Variants in RIMS2 observed in about 807,000 individuals in gnomAD.
RIMS2 encodes regulating synaptic membrane exocytosis 2.
A neutral mutation model predicts 174.4 loss-of-function variants in RIMS2; 59 were observed. The ratio of observed to expected loss-of-function variants is 0.34; its 90% confidence interval spans 0.27 to 0.42. The LOEUF (loss-of-function observed/expected upper bound fraction) is 0.42, where lower values mean the gene tolerates loss of function less well. RIMS2 is among the 10% of genes least tolerant of loss of function. The pLI is 1.00. For missense variants in RIMS2, 1,620 were observed against 1,666.3 expected, an observed-to-expected ratio of 0.97 and a Z score of 0.48; for synonymous variants, 606 against 572.5, an observed-to-expected ratio of 1.06 and a Z score of -0.84.
chr8:103,685,255 G>A (rs79318345), intron 1 of RIMS2, among the ~76,000 whole-genome samples: 4,551 of 152,122 alleles, frequency 0.03, 74 homozygotes, highest in African/African-American at 0.046. Flanking sequence ...ATTGGCTTCT[G>A]GTGGGGCCTC....
intron 3 of RIMS2, among the ~76,000 whole-genome samples, chr8:103,798,877 G>A (rs2098579503): frequency 1.3e-5 from 2 of 151,900 alleles, no homozygotes; most frequent in South Asian, 4.2e-4. Flanking sequence ...TGTCTATGTG[G>A]GCCCAATCTA....
chr8:103,778,982 A>T (rs545590447), intron 3 of RIMS2, among the ~76,000 whole-genome samples: 1 of 152,196 alleles, frequency 6.6e-6, no homozygotes, highest in Non-Finnish European at 1.5e-5. Flanking sequence ...TTTGATTTGC[A>T]TTTCTCTGAT....
At chr8:103,891,989 T>C (rs1390682969) in intron 4 of RIMS2, among the ~76,000 whole-genome samples, 1 of 152,060 alleles carries the variant, frequency 6.6e-6, no homozygotes, top group Non-Finnish European at 1.5e-5. Context: ...TTACATAATC[T>C]CATAATTTTT....
chr8:104,083,859 A>G (rs2154563607), intron 19 of RIMS2, among the ~76,000 whole-genome samples: 1 of 152,272 alleles, frequency 6.6e-6, no homozygotes, highest in East Asian at 1.9e-4. Context: ...CTATTACTGA[A>G]TAATAAAGGG....
chr8:103,738,929 T>G (rs2097722957), intron 2 of RIMS2, among the ~76,000 whole-genome samples: 1 of 152,110 alleles, frequency 6.6e-6, no homozygotes, highest in Admixed American at 6.5e-5. Flanking sequence ...ACACTGTTGG[T>G]GGGACTGTAA....
chr8:103,624,209 G>C (rs921681896), intron 1 of RIMS2, among the ~76,000 whole-genome samples: 2 of 152,196 alleles, frequency 1.3e-5, no homozygotes, highest in Non-Finnish European at 2.9e-5. Context: ...GCATTTGAAA[G>C]GCTGAACTCA....
chr8:103,663,700 A>T (rs2096632178), intron 1 of RIMS2, among the ~76,000 whole-genome samples: 2 of 152,222 alleles, frequency 1.3e-5, no homozygotes, highest in African/African-American at 4.8e-5. Context: ...GAAAATGGCC[A>T]TACTGCCCAA....
chr8:103,670,345 C>CT (rs1236447620), intron 1 of RIMS2, among the ~76,000 whole-genome samples: 1 of 152,224 alleles, frequency 6.6e-6, no homozygotes, highest in Non-Finnish European at 1.5e-5. Context: ...GCAAAAGTCT[C>CT]TGACATGCTC....
intron 3 of RIMS2, among the ~76,000 whole-genome samples, chr8:103,786,718 G>A (rs1203354377): frequency 1.3e-5 from 2 of 152,166 alleles, no homozygotes; most frequent in Non-Finnish European, 2.9e-5. Context: ...GAATAGCTGT[G>A]GTGTGGTTCT....
intron 19 of RIMS2, among the ~76,000 whole-genome samples, chr8:104,196,714 T>C (rs2099026285): frequency 6.6e-6 from 1 of 152,152 alleles, no homozygotes; most frequent in Admixed American, 6.5e-5. Flanking sequence ...AGCTTAAACT[T>C]ACATTTCACA....
chr8:103,573,346 G>A (rs1434099905), intron 1 of RIMS2, among the ~76,000 whole-genome samples: 1 of 152,110 alleles, frequency 6.6e-6, no homozygotes, highest in Non-Finnish European at 1.5e-5. Context: ...TTACAGGCAT[G>A]AGCTACCACA....
At chr8:103,756,674 C>T (rs1207326918) in intron 2 of RIMS2, among the ~76,000 whole-genome samples, 1 of 152,114 alleles carries the variant, frequency 6.6e-6, no homozygotes, top group Non-Finnish European at 1.5e-5. Flanking sequence ...AGTCTGCCCA[C>T]TCAGCCTTCC....
At chr8:103,714,549 C>A (rs1198194501) in intron 2 of RIMS2, among the ~76,000 whole-genome samples, 1 of 152,006 alleles carries the variant, frequency 6.6e-6, no homozygotes, top group African/African-American at 2.4e-5. Flanking sequence ...AGATGGAATA[C>A]CTCTATCTAA....
At chr8:103,575,125 A>G (rs1387998745) in intron 1 of RIMS2, among the ~76,000 whole-genome samples, 8 of 152,214 alleles carry the variant, frequency 5.3e-5, no homozygotes. Context: ...ATTAAAAAAT[A>G]GGAAAGACAC....
chr8:103,794,549 A>G (rs956996806), intron 3 of RIMS2, among the ~76,000 whole-genome samples: 2 of 152,218 alleles, frequency 1.3e-5, no homozygotes, highest in Admixed American at 6.5e-5. Flanking sequence ...TAAAACACCA[A>G]TGGCAATGGC....
intron 17 of RIMS2, among the ~76,000 whole-genome samples, chr8:103,991,377 GTAAT>G (rs1391544746): frequency 6.6e-6 from 1 of 151,180 alleles, no homozygotes; most frequent in African/African-American, 2.4e-5. Flanking sequence ...ATTTATCTGT[GTAAT>G]TATTTATTAA....
chr8:103,576,984 C>A (rs1168382337), intron 1 of RIMS2, among the ~76,000 whole-genome samples: 3 of 152,028 alleles, frequency 2.0e-5, no homozygotes, highest in African/African-American at 7.2e-5. Context: ...AGAAGAAAAC[C>A]TAGACAATAA....
rs202245389 is a variant in RIMS2 at position 104,093,573 on chromosome 8, G to C, written c.3334+78958G>C. 1,419 of 1,597,388 alleles carry C rather than the reference G, an allele frequency of 8.9e-4. 13 individuals carry two copies. Among genetic ancestry groups the C allele is most frequent in the Middle Eastern group, 6.6e-4 (4 of 6,082 alleles). On this transcript the variant is annotated intron_variant, in intron 19 of 23. Coordinates refer to ENST00000504942, the Ensembl canonical transcript of RIMS2. ...ATCTGCGGTTTCAAGGACTAGTAGT[G>C]CTTCTCGTTTCAGCAGCACAAGCTA... is the stretch of plus-strand genomic sequence containing the variant.
intron 19 of RIMS2, among the ~76,000 whole-genome samples, chr8:104,180,722 T>G (rs1422692062): frequency 6.6e-6 from 1 of 151,778 alleles, no homozygotes; most frequent in Non-Finnish European, 1.5e-5. Context: ...AATGTATTAA[T>G]ATGACATTGG....
Sources: gnomAD v4.1 joint callset for allele counts (sites outside exome capture counted in the v4.1 genomes callset) on GRCh38, gnomAD v4.1.1 for gene constraint, MANE v1.5 for transcripts, NCBI Gene and HGNC (gene_info 2026-07-23, HGNC 2026-07-21) for gene names.